Variants in PPP1CB observed in about 807,000 individuals in gnomAD.
The protein encoded by PPP1CB is protein phosphatase 1 catalytic subunit beta, also known as serine/threonine-protein phosphatase PP1-beta catalytic subunit.
In PPP1CB, 2 loss-of-function variants were observed where a neutral mutation model predicts 43.7. The ratio of observed to expected loss-of-function variants is 0.05; its 90% confidence interval spans 0.02 to 0.14. PPP1CB has a LOEUF of 0.14. Among genes scored for constraint, PPP1CB ranks in the 10% least tolerant of loss-of-function variants. The pLI is 1.00. For missense variants in PPP1CB, 84 were observed against 398.0 expected (o/e 0.21, Z 6.71); for synonymous variants, 136 against 135.6 (o/e 1.00, Z -0.02).
Position 28,752,102 on chromosome 2 carries a change from G to GA in PPP1CB, c.-21dup, listed in dbSNP as rs1559036367. 1 of 1,550,236 alleles carries GA rather than the reference G, an allele frequency of 6.5e-7. No homozygotes were observed. On this transcript the variant is annotated 5_prime_UTR_variant, in exon 1 of 8. Transcript: ENST00000395366. Reference sequence around the variant, plus strand: ...GAGAAGCCCTTGTTCCCGCTGCTGGGAAGGAGAGTCTGTGCCGACAAGATG... The same window carrying GA: ...GAGAAGCCCTTGTTCCCGCTGCTGGGAAAGGAGAGTCTGTGCCGACAAGATG...
intron 6 of PPP1CB, among the ~76,000 whole-genome samples, chr2:28,791,669 T>G (rs1667388173): frequency 6.6e-6 from 1 of 152,174 alleles, no homozygotes; most frequent in Non-Finnish European, 1.5e-5. Context: ...TGTTTATGAT[T>G]TTGATAAATA....
chr2:28,792,458 A>G (rs765316274), intron 6 of PPP1CB, among the ~76,000 whole-genome samples: 15 of 152,096 alleles, frequency 9.9e-5, no homozygotes, highest in East Asian at 9.7e-4. Flanking sequence ...GGAAGTTGTG[A>G]CTGCAGTAAG....
chr2:28,796,475 C>T (rs1667499373), intron 7 of PPP1CB, among the ~76,000 whole-genome samples: 1 of 151,976 alleles, frequency 6.6e-6, no homozygotes. Context: ...TTCAGCAGTG[C>T]TTTGTAGTTG....
At chr2:28,772,044 C>G (rs1182366681) in intron 1 of PPP1CB, among the ~76,000 whole-genome samples, 1 of 151,476 alleles carries the variant, frequency 6.6e-6, no homozygotes, top group African/African-American at 2.4e-5. Flanking sequence ...TGGCCAGGTG[C>G]AGTGGCTCAC....
chr2:28,793,292 A>C (rs1667426025), intron 6 of PPP1CB, among the ~76,000 whole-genome samples: 1 of 152,364 alleles, frequency 6.6e-6, no homozygotes, highest in East Asian at 1.9e-4. Context: ...CAACTTAGTA[A>C]TGTTTTCAGT....
rs1378749083 is a variant in PPP1CB at position 28,799,256 on chromosome 2, C to T, written c.937C>T (p.Arg313Cys). Residue 313 changes from arginine to cysteine, a missense_variant, in exon 8 of 8, where the codon CGT becomes TGT. By Grantham distance (180) the Arg-to-Cys change is radical. Around this residue, in one of 5 missense-constraint regions of PPP1CB, gnomAD observed 14 missense variants for 30.9 expected, o/e 0.45. Coordinates refer to ENST00000395366, the MANE Select transcript of PPP1CB (RefSeq NM_002709.3). ...CCAGTATGGTGGACTGAATTCTGGA[C>T]GTCCTGTCACTCCACCTCGAACAGC... ...KYQYGGLNSGRPVTPPRTANP... is the reference protein window; with the variant it reads ...KYQYGGLNSGCPVTPPRTANP... 1.2e-6 allele frequency: 2 copies of T among 1,611,118 alleles called. No homozygotes were observed. Among genetic ancestry groups the T allele is most frequent in the Non-Finnish European group, 8.5e-7 (1 of 1,177,402 alleles).
At position 28,799,353 on chromosome 2, in the gene PPP1CB, A is replaced by G. The variant is rs1168438559; in HGVS notation, c.*50A>G. On this transcript the variant is annotated 3_prime_UTR_variant, in exon 8 of 8. Transcript: ENST00000395366. ...ATCAGATTTGTTAAGGACATACTTC[A>G]TAATATATAAGTGTGCACTGTAAAA... The G allele has an allele frequency of 7.0e-7, 1 of 1,420,400 alleles. No homozygotes were observed. Among genetic ancestry groups the G allele is most frequent in the Non-Finnish European group, 9.9e-7 (1 of 1,006,828 alleles). The allele number at this position is 1,420,400 out of a possible 1,614,324, so 88.0% of individuals were successfully genotyped here.
intron 1 of PPP1CB, among the ~76,000 whole-genome samples, chr2:28,758,755 G>A (rs1170963075): frequency 2.0e-5 from 3 of 152,266 alleles, no homozygotes; most frequent in East Asian, 1.9e-4. Flanking sequence ...TATAACCTTC[G>A]TGAACATCAC....
intron 1 of PPP1CB, among the ~76,000 whole-genome samples, chr2:28,767,595 G>A (rs955503151): frequency 2.6e-5 from 4 of 152,138 alleles, no homozygotes; most frequent in African/African-American, 7.2e-5. Context: ...GTGATGCACC[G>A]AAAAGCAGTG....
chr2:28,799,086 AT>A, intron 7 of PPP1CB, 112 bp from the exon 8 acceptor site: 1 of 700,438 alleles, frequency 1.4e-6, no homozygotes, highest in East Asian at 2.8e-5. Context: ...GCTATTCTAC[AT>A]TTTTATTGCA....
At chr2:28,752,614 T>G (rs1332057411) in intron 1 of PPP1CB, among the ~76,000 whole-genome samples, 2 of 152,242 alleles carry the variant, frequency 1.3e-5, no homozygotes, top group Non-Finnish European at 2.9e-5. Context: ...CTTGGCTGCC[T>G]CCGATTGTCG....
At chr2:28,779,335 G>T (rs1398861373) in intron 3 of PPP1CB, among the ~76,000 whole-genome samples, 1 of 152,170 alleles carries the variant, frequency 6.6e-6, no homozygotes, top group Non-Finnish European at 1.5e-5. Context: ...GTGGCCCTTG[G>T]TTTTCTAGTG....
intron 7 of PPP1CB, among the ~76,000 whole-genome samples, chr2:28,797,931 C>T (rs1263052440): frequency 1.3e-5 from 2 of 152,234 alleles, no homozygotes; most frequent in East Asian, 3.9e-4. Flanking sequence ...TCTTAAAATG[C>T]ATTGGGGCTT....
chr2:28,754,080 A>T (rs953054026), intron 1 of PPP1CB, among the ~76,000 whole-genome samples: 28 of 152,272 alleles, frequency 1.8e-4, no homozygotes, highest in African/African-American at 6.5e-4. Flanking sequence ...TAAATATTTT[A>T]AAAATATGTT....
chr2:28,791,829 A>G (rs894868018), intron 6 of PPP1CB, among the ~76,000 whole-genome samples: 2 of 152,174 alleles, frequency 1.3e-5, no homozygotes, highest in African/African-American at 4.8e-5. Flanking sequence ...GAACTACGCT[A>G]GTTTGCATGG....
intron 1 of PPP1CB, among the ~76,000 whole-genome samples, chr2:28,774,359 G>C (rs1666984441): frequency 6.6e-6 from 1 of 152,172 alleles, no homozygotes; most frequent in Non-Finnish European, 1.5e-5. Flanking sequence ...AGTTAATACA[G>C]TTTGTAAGTA....
At chr2:28,759,606 T>C (rs1408565727) in intron 1 of PPP1CB, among the ~76,000 whole-genome samples, 2 of 151,456 alleles carry the variant, frequency 1.3e-5, no homozygotes, top group South Asian at 2.1e-4. Flanking sequence ...AGCTATGTTA[T>C]ATATTTACCT....
At chr2:28,799,145 TCTTAA>T (rs769024044) in intron 7 of PPP1CB, 49 bp from the exon 8 acceptor site, 21 of 1,238,608 alleles carry the variant, frequency 1.7e-5, no homozygotes, top group Non-Finnish European at 2.2e-5. Context: ...GTAACAATTT[TCTTAA>T]CTTCTGTACA....
At chr2:28,758,815 A>T (rs1036635902) in intron 1 of PPP1CB, among the ~76,000 whole-genome samples, 1 of 152,214 alleles carries the variant, frequency 6.6e-6, no homozygotes, top group African/African-American at 2.4e-5. Flanking sequence ...GTGCAAAGAC[A>T]AGTGGAGATA....
Sources: gnomAD v4.1 joint callset for allele counts (sites outside exome capture counted in the v4.1 genomes callset) on GRCh38, gnomAD v4.1.1 for gene constraint, gnomAD v4.1.1 regional missense constraint, MANE v1.5 for transcripts, NCBI Gene and HGNC (gene_info 2026-07-23, HGNC 2026-07-21) for gene names.